CDK13: variants seen among roughly 807,000 people sequenced by gnomAD.
CDK13 encodes cyclin dependent kinase 13, also known as cyclin-dependent kinase 13.
CDK13 carries 40 observed loss-of-function variants against 137.6 expected under a neutral mutation model. The observed-to-expected ratio is 0.29, with a 90% CI of 0.23 to 0.38. The LOEUF is 0.38. Ranked by LOEUF, CDK13 falls within the 10% of genes least tolerant of loss-of-function variation. The probability of loss-of-function intolerance (pLI) is 1.00; values close to 1 mark genes in which losing one functional copy is unlikely to be tolerated. For missense variants in CDK13, 1,704 were observed against 1,951.8 expected, an observed-to-expected ratio of 0.87 and a Z score of 2.39; for synonymous variants, 869 against 760.1, an observed-to-expected ratio of 1.14 and a Z score of -2.36.
chr7:39,968,082 A>G (rs1783912372), intron 1 of CDK13, among the ~76,000 whole-genome samples: 1 of 152,092 alleles, frequency 6.6e-6, no homozygotes, highest in Non-Finnish European at 1.5e-5. Flanking sequence ...CGTTTTTGAA[A>G]TTGGGTTATT....
chr7:39,963,437 G>T (rs2116146442), intron 1 of CDK13, among the ~76,000 whole-genome samples: 1 of 152,018 alleles, frequency 6.6e-6, no homozygotes, highest in East Asian at 1.9e-4. Context: ...TCTGTTATTG[G>T]TGTATAAGAA....
At chr7:40,055,458 T>A (rs1376201695) in intron 7 of CDK13, among the ~76,000 whole-genome samples, 1 of 152,168 alleles carries the variant, frequency 6.6e-6, no homozygotes, top group Non-Finnish European at 1.5e-5. Flanking sequence ...ATATGTAGTG[T>A]CACATCAGTT....
In CDK13 at chr7:40,095,069, T is replaced by G. The variant is rs1584100780; in HGVS notation, c.*89T>G. The G allele has an allele frequency of 1.8e-6, 2 of 1,137,956 alleles. No individual in the cohort carries two copies. Among genetic ancestry groups the G allele is most frequent in the Non-Finnish European group, 2.3e-6 (2 of 860,834 alleles). 70.5% of individuals were successfully genotyped at this position (1,137,956 alleles called of 1,614,324 possible). A position where few individuals can be genotyped will look rare whatever the true frequency, so the allele number is the denominator to read the frequency against. On this transcript the variant is annotated 3_prime_UTR_variant, in exon 14 of 14. Coordinates refer to ENST00000181839, the MANE Select transcript of CDK13 (RefSeq NM_003718.5). ...GCAGCAATCCAAGAGACTTGAATAA[T>G]AATAATTCAACAACAGCTTTATTTT...
chr7:40,024,416 T>G lies in CDK13; in HGVS notation c.2354-21420T>G, dbSNP rs149293921. 1.4e-4 allele frequency among the ~76,000 whole-genome samples: 21 copies of G among 152,350 alleles called. 1 individual carries two copies. The East Asian group carries it at 3.7e-3, about 27-fold the overall frequency. On this transcript the variant is annotated intron_variant, in intron 5 of 13. Transcript: ENST00000181839. ...ATTGGTCTGAATTTTCTCGCCACTT[T>G]ATAAAGATAAGGACAGTAGTAATTT...
At chr7:40,091,784 A>G (rs1467657480) in intron 12 of CDK13, among the ~76,000 whole-genome samples, 1 of 152,244 alleles carries the variant, frequency 6.6e-6, no homozygotes, top group Non-Finnish European at 1.5e-5. Flanking sequence ...CTCAAAATAT[A>G]TAAAGAGAAT....
At chr7:40,047,434 G>T (rs537311219) in intron 6 of CDK13, among the ~76,000 whole-genome samples, 6 of 152,196 alleles carry the variant, frequency 3.9e-5, no homozygotes, top group South Asian at 4.1e-4. Context: ...ATGTCACTTC[G>T]TTCTTGAGCA....
rs1787054168 is a variant in CDK13 at position 40,096,622 on chromosome 7, G to A, written c.*1642G>A. On this transcript the variant is annotated 3_prime_UTR_variant, in exon 14 of 14. Coordinates refer to ENST00000181839, the MANE Select transcript of CDK13 (RefSeq NM_003718.5). ...TAAATTGGAACAACTGTTACAGAAT[G>A]TATATTGCTCCAGTTCTAAAGCCAG... 6.6e-6 allele frequency: 1 copy of A among 152,030 alleles called. No individual in the cohort carries two copies. The highest frequency in any genetic ancestry group is 1.5e-5 in the Non-Finnish European group (1 of 67,994). The allele number at this position is 152,030 out of a possible 1,614,324, so 9.4% of individuals were successfully genotyped here.
intron 1 of CDK13, among the ~76,000 whole-genome samples, chr7:39,954,506 T>C (rs1420237455): frequency 7.2e-6 from 1 of 138,114 alleles, no homozygotes; most frequent in Non-Finnish European, 1.7e-5. Flanking sequence ...CTCAGCACTG[T>C]ATCTGGCACA....
chr7:40,037,957 C>G (rs1785520957), intron 5 of CDK13, among the ~76,000 whole-genome samples: 1 of 152,092 alleles, frequency 6.6e-6, no homozygotes, highest in African/African-American at 2.4e-5. Flanking sequence ...CATAAATCCA[C>G]CTAAATGTGG....
intron 9 of CDK13, chr7:40,071,471 C>T (rs190816176): frequency 1.3e-5 from 2 of 152,168 alleles, no homozygotes; most frequent in African/African-American, 4.8e-5. Context: ...TTCTTAGAAA[C>T]CACAAAAATT....
At chr7:40,047,055 G>T (rs1488434336) in intron 6 of CDK13, among the ~76,000 whole-genome samples, 1 of 148,818 alleles carries the variant, frequency 6.7e-6, no homozygotes. Flanking sequence ...AGTCTGTAAT[G>T]CATATAAAAT....
intron 7 of CDK13, among the ~76,000 whole-genome samples, chr7:40,058,299 A>G (rs1786064970): frequency 6.6e-6 from 1 of 152,136 alleles, no homozygotes; most frequent in Non-Finnish European, 1.5e-5. Flanking sequence ...TTTAAATTTT[A>G]TTTGATTGCA....
chr7:39,951,783 A>G lies in CDK13; in HGVS notation c.1142A>G (p.Asp381Gly), dbSNP rs767398937. 1 of 1,477,002 alleles carries G rather than the reference A, an allele frequency of 6.8e-7. No individual in the cohort carries two copies. Among genetic ancestry groups the G allele is most frequent in the East Asian group, 2.5e-5 (1 of 39,410 alleles). 91.5% of individuals were successfully genotyped at this position (1,477,002 alleles called of 1,614,324 possible). The change falls in exon 1 of 14, where the codon GAC becomes GGC. Residue 381 changes from aspartate to glycine, a missense_variant. Coordinates refer to ENST00000181839, the MANE Select transcript of CDK13 (RefSeq NM_003718.5). ...CACAGCTCCTACGAGCGGGGCGGCG[A>G]CGTGTCCCCTAGTCCCTACAGCAGC... Reference protein sequence around the residue: ...SRHSSYERGGDVSPSPYSSSS... With the variant: ...SRHSSYERGGGVSPSPYSSSS...
In CDK13 at chr7:39,976,323, T is replaced by TCTCTCTCTCTCTCTCACACACACA; in HGVS notation, c.1212-11275_1212-11274insTCTCTCTCTCTCTCACACACACAC. ...CTCTCTCTCTCTCTCTCTCTCTCTC[T>TCTCTCTCTCTCTCTCACACACACA]CACACACACACACACACACACACAC... On this transcript the variant is annotated intron_variant, in intron 1 of 13. Coordinates refer to ENST00000181839, the MANE Select transcript of CDK13 (RefSeq NM_003718.5). Among the ~76,000 whole-genome samples, 102 of 39,546 alleles carry TCTCTCTCTCTCTCTCACACACACA rather than the reference T, an allele frequency of 2.6e-3. 2 individuals carry two copies. Among genetic ancestry groups the TCTCTCTCTCTCTCTCACACACACA allele is most frequent in the South Asian group, 4.6e-3 (4 of 866 alleles). 25.9% of individuals were successfully genotyped at this position (39,546 alleles called of 152,430 possible). A position where few individuals can be genotyped will look rare whatever the true frequency, so the allele number is the denominator to read the frequency against.
At chr7:40,019,475 G>A (rs569967700) in intron 5 of CDK13, among the ~76,000 whole-genome samples, 2 of 152,216 alleles carry the variant, frequency 1.3e-5, no homozygotes, top group Admixed American at 1.3e-4. Context: ...GTGGCCAGCA[G>A]TCTTGAGTCT....
intron 12 of CDK13, among the ~76,000 whole-genome samples, chr7:40,090,808 A>C (rs1479912872): frequency 6.6e-6 from 1 of 152,182 alleles, no homozygotes; most frequent in Non-Finnish European, 1.5e-5. Flanking sequence ...GGAGGTCGAG[A>C]CTGCAGTGAG....
intron 5 of CDK13, among the ~76,000 whole-genome samples, chr7:40,023,556 G>T (rs1046186804): frequency 6.6e-6 from 1 of 151,330 alleles, no homozygotes; most frequent in Non-Finnish European, 1.5e-5. Flanking sequence ...CTGGAGTGCA[G>T]TGGCATGATC....
In CDK13 at chr7:40,078,072, A is replaced by G; in HGVS notation, c.2848A>G (p.Met950Val). Residue 950 changes from methionine to valine, a missense_variant, in exon 10 of 14, where the codon ATG becomes GTG. Transcript: ENST00000181839. ...DVIKLPYFNT[M>V]KPKKQYRRKL... Reference sequence around the variant, plus strand: ...AATCAAACTACCATATTTCAACACCATGAAACCAAAGAAGCAATATCGTCG... The same window carrying G: ...AATCAAACTACCATATTTCAACACCGTGAAACCAAAGAAGCAATATCGTCG... 6.2e-7 allele frequency: 1 copy of G among 1,605,240 alleles called. No individual in the cohort carries two copies. The highest frequency in any genetic ancestry group is 1.1e-5 in the South Asian group (1 of 89,434).
At chr7:40,057,003 C>T (rs1786034135) in intron 7 of CDK13, among the ~76,000 whole-genome samples, 1 of 152,174 alleles carries the variant, frequency 6.6e-6, no homozygotes, top group Non-Finnish European at 1.5e-5. Context: ...GCCTGTAATC[C>T]CAGCACTTTG....
Sources: gnomAD v4.1 joint callset for allele counts (sites outside exome capture counted in the v4.1 genomes callset) on GRCh38, gnomAD v4.1.1 for gene constraint, MANE v1.5 for transcripts, NCBI Gene and HGNC (gene_info 2026-07-23, HGNC 2026-07-21) for gene names.